The following HMGA2 variants were observed in gnomAD, a reference collection of about 807,000 sequenced individuals.
The protein encoded by HMGA2 is high mobility group protein HMGI-C.
A neutral mutation model predicts 19.1 loss-of-function variants in HMGA2; 8 were observed. The ratio of observed to expected loss-of-function variants is 0.42; its 90% confidence interval spans 0.25 to 0.76. HMGA2 has a LOEUF of 0.76. Ranked by LOEUF, HMGA2 falls within the 30% of genes least tolerant of loss-of-function variation. The pLI, the probability that HMGA2 is intolerant of heterozygous loss-of-function variation, is 0.28. For synonymous variants in HMGA2, 60 were observed against 48.8 expected (o/e 1.23, Z -0.96); for missense variants, 109 against 136.3 (o/e 0.80, Z 1.00).
At chr12:65,860,082 ACT>A (rs1266655300) in intron 3 of HMGA2, 15 of 445,008 alleles carry the variant, frequency 3.4e-5, no homozygotes, top group Non-Finnish European at 3.6e-5. Flanking sequence ...ACAGAGCAAG[ACT>A]CTGTCTGAAA....
At chr12:65,871,468 T>C (rs762940889) in intron 3 of HMGA2, among the ~76,000 whole-genome samples, 2 of 152,216 alleles carry the variant, frequency 1.3e-5, no homozygotes, top group Non-Finnish European at 2.9e-5. Flanking sequence ...TGTGTGTGAA[T>C]GGAAAATGAA....
At chr12:65,961,547 C>T (rs1414651738) in intron 4 of HMGA2, among the ~76,000 whole-genome samples, 1 of 152,334 alleles carries the variant, frequency 6.6e-6, no homozygotes, top group African/African-American at 2.4e-5. Context: ...GCAGACTAAA[C>T]AAAACCGGTG....
At chr12:65,892,956 T>A (rs1196458662) in intron 3 of HMGA2, among the ~76,000 whole-genome samples, 1 of 152,212 alleles carries the variant, frequency 6.6e-6, no homozygotes, top group Non-Finnish European at 1.5e-5. Flanking sequence ...AAAGACTCTC[T>A]GCTTCCCGTG....
intron 2 of HMGA2, among the ~76,000 whole-genome samples, chr12:65,836,386 C>A (rs1169809195): frequency 1.3e-5 from 2 of 151,130 alleles, no homozygotes; most frequent in Non-Finnish European, 3.0e-5. Context: ...AAAAGAAAAA[C>A]TCCCTTTAAG....
At chr12:65,843,080 G>A (rs1453873157) in intron 3 of HMGA2, 5 of 236,826 alleles carry the variant, frequency 2.1e-5, no homozygotes, top group Admixed American at 5.7e-5. Flanking sequence ...ATTAACAACA[G>A]AAGAAAAATA....
chr12:65,881,908 T>C, intron 3 of HMGA2: 1 of 702,212 alleles, frequency 1.4e-6, no homozygotes, highest in Non-Finnish European at 2.6e-6. Context: ...CCGGAGTATG[T>C]TTCCATGCTG....
At chr12:65,887,703 GA>G (rs1466530843) in intron 3 of HMGA2, among the ~76,000 whole-genome samples, 1 of 151,126 alleles carries the variant, frequency 6.6e-6, no homozygotes, top group African/African-American at 2.4e-5. Context: ...ATCTCAAAAA[GA>G]AAAAAAATTT....
At chr12:65,919,386 A>G (rs1875222342) in intron 3 of HMGA2, among the ~76,000 whole-genome samples, 1 of 152,252 alleles carries the variant, frequency 6.6e-6, no homozygotes, top group Admixed American at 6.5e-5. Flanking sequence ...CTTTAAAAAA[A>G]AAATGGTAGT....
At chr12:65,914,913 G>A (rs761526493) in intron 3 of HMGA2, 2 of 1,039,752 alleles carry the variant, frequency 1.9e-6, no homozygotes, top group South Asian at 1.3e-5. Context: ...GACCTCAGGT[G>A]AGCCACCCAC....
intron 3 of HMGA2, among the ~76,000 whole-genome samples, chr12:65,941,970 G>A (rs1022900680): frequency 2.0e-5 from 3 of 152,186 alleles, no homozygotes; most frequent in African/African-American, 4.8e-5. Flanking sequence ...GTCCTGATCC[G>A]ATTTCATATA....
chr12:65,830,535 A>G (rs1034935806), intron 2 of HMGA2, among the ~76,000 whole-genome samples: 1 of 151,964 alleles, frequency 6.6e-6, no homozygotes, highest in Admixed American at 6.6e-5. Context: ...ACTGGTAAGT[A>G]TATGAGAAGA....
chr12:65,921,731 T>C (rs1307525123), intron 3 of HMGA2, among the ~76,000 whole-genome samples: 2 of 152,202 alleles, frequency 1.3e-5, no homozygotes, highest in African/African-American at 2.4e-5. Context: ...CTCCAGACCA[T>C]GTCAGAGACC....
At chr12:65,950,500 T>C (rs1417217672) in intron 3 of HMGA2, among the ~76,000 whole-genome samples, 1 of 152,130 alleles carries the variant, frequency 6.6e-6, no homozygotes, top group East Asian at 1.9e-4. Flanking sequence ...TCAGGATAGG[T>C]AAATTCATAG....
At chr12:65,897,980 A>T (rs1223863718) in intron 3 of HMGA2, among the ~76,000 whole-genome samples, 3 of 150,946 alleles carry the variant, frequency 2.0e-5, no homozygotes, top group South Asian at 4.2e-4. Flanking sequence ...AAAAAAAAAA[A>T]GTTAAATGAT....
chr12:65,906,784 A>G (rs774921110), intron 3 of HMGA2, among the ~76,000 whole-genome samples: 1 of 152,232 alleles, frequency 6.6e-6, no homozygotes, highest in Non-Finnish European at 1.5e-5. Flanking sequence ...CTGTAGAGTA[A>G]GGATTTTAAG....
chr12:65,895,981 T>G (rs1874112397), intron 3 of HMGA2, among the ~76,000 whole-genome samples: 1 of 152,200 alleles, frequency 6.6e-6, no homozygotes, highest in African/African-American at 2.4e-5. Flanking sequence ...CTGTAAAGTT[T>G]TAACTTTGGC....
At chr12:65,878,237 C>T (rs554311872) in intron 3 of HMGA2, among the ~76,000 whole-genome samples, 1 of 152,198 alleles carries the variant, frequency 6.6e-6, no homozygotes, top group African/African-American at 2.4e-5. Flanking sequence ...AATGAGGATG[C>T]ATAAACTTGT....
intron 3 of HMGA2, among the ~76,000 whole-genome samples, chr12:65,848,636 C>A (rs2120916295): frequency 6.6e-6 from 1 of 151,954 alleles, no homozygotes; most frequent in South Asian, 2.1e-4. Flanking sequence ...GCGGGTGGAT[C>A]ATGAGGTCAG....
At chr12:65,915,335 A>T (rs1875054531) in intron 3 of HMGA2, 1 of 1,379,240 alleles carries the variant, frequency 7.3e-7, no homozygotes, top group Non-Finnish European at 9.4e-7. Context: ...CTGCTACCCC[A>T]TATGGCACCC....
Sources: allele counts gnomAD v4.1 joint callset (sites outside exome capture counted in the v4.1 genomes callset), GRCh38; gene constraint gnomAD v4.1.1; transcripts MANE v1.5; gene names NCBI Gene and HGNC (gene_info 2026-07-23, HGNC 2026-07-21).